Variants in PRRC2B observed in about 807,000 individuals in gnomAD.
PRRC2B encodes the protein proline rich coiled-coil 2B.
A neutral mutation model predicts 242.3 loss-of-function variants in PRRC2B; 68 were observed. That is an observed-to-expected ratio of 0.28 (90% CI 0.23 to 0.34). The LOEUF is 0.34. Among genes scored for constraint, PRRC2B ranks in the 10% least tolerant of loss-of-function variants. The pLI, the probability that PRRC2B is intolerant of heterozygous loss-of-function variation, is 1.00. For missense variants in PRRC2B, 2,835 were observed against 2,954.8 expected, an observed-to-expected ratio of 0.96 and a Z score of 0.94; for synonymous variants, 1,228 against 1,173.6, an observed-to-expected ratio of 1.05 and a Z score of -0.95.
rs765916934 is a variant in PRRC2B at position 131,467,550 on chromosome 9, G to T, written c.1721-13G>T. The T allele has an allele frequency of 6.3e-7, 1 of 1,579,328 alleles. No homozygotes were observed. Among genetic ancestry groups the T allele is most frequent in the Non-Finnish European group, 8.6e-7 (1 of 1,161,944 alleles). Reference sequence around the variant, plus strand: ...AGCTCACTGTGTCATTTCTCTGCTGGTATATTCTCTAGGCTCCCCAGAATT... The same window carrying T: ...AGCTCACTGTGTCATTTCTCTGCTGTTATATTCTCTAGGCTCCCCAGAATT... On this transcript the variant is annotated splice_polypyrimidine_tract_variant and intron_variant, in intron 12 of 31. Coordinates refer to ENST00000683519, the MANE Select transcript of PRRC2B (RefSeq NM_013318.4).
chr9:131,467,483 G>A lies in PRRC2B; in HGVS notation c.1721-80G>A, dbSNP rs143347030. 325 of 1,258,736 alleles carry A rather than the reference G, an allele frequency of 2.6e-4. 3 individuals are homozygous for A. The African/African-American group carries it at 4.6e-3, about 18-fold the overall frequency. The allele number at this position is 1,258,736 out of a possible 1,614,324, so 78.0% of individuals were successfully genotyped here. On this transcript the variant is annotated intron_variant, in intron 12 of 31. Coordinates refer to ENST00000683519, the MANE Select transcript of PRRC2B (RefSeq NM_013318.4). ...AGTGGAGCGTACGGGCCAACAGGAAGAAGTACTTGTTTGTAAACACTTGGT... is the reference window on the plus strand; with the variant it reads ...AGTGGAGCGTACGGGCCAACAGGAAAAAGTACTTGTTTGTAAACACTTGGT...
chr9:131,397,563 G>GTTTTTTTTTTTTTTTTTTTTTTTTTTTT (rs58424444), intron 1 of PRRC2B, among the ~76,000 whole-genome samples: 1 of 98,990 alleles, frequency 1.0e-5, no homozygotes, highest in African/African-American at 4.2e-5. Context: ...ACTTTTGAGG[G>GTTTTTTTTTTTTTTTTTTTTTTTTTTTT]TTTTTTTTTT....
intron 1 of PRRC2B, among the ~76,000 whole-genome samples, chr9:131,415,962 C>T (rs1299703224): frequency 1.3e-5 from 2 of 152,040 alleles, no homozygotes; most frequent in Non-Finnish European, 2.9e-5. Flanking sequence ...CCCCCCACCC[C>T]ACCCCCATGT....
Position 131,475,870 on chromosome 9 carries a change from C to A in PRRC2B, c.3741C>A (p.Ser1247=). 6.2e-7 allele frequency: 1 copy of A among 1,613,830 alleles called. No homozygotes were observed. The highest frequency in any genetic ancestry group is 8.5e-7 in the Non-Finnish European group (1 of 1,179,794). Residue 1247 remains serine (S), a synonymous_variant, in exon 16 of 32, where the codon TCC becomes TCA. Transcript: ENST00000683519. ...ATGGCCCTTCCGACACATGCGGATC[C>A]CGGCGACCTACAGACAGAGACTATG... ...QEYGPSDTCG[S]RRPTDRDYVP... is the part of the protein sequence containing the mutation.
In PRRC2B at chr9:131,455,218, G is replaced by A. The variant is rs370563372; in HGVS notation, c.1211+52G>A. ...CATGAGTGCATCCCTGCTTAGTGTT[G>A]TTGTGTACCCAGAGCATTTCCCAGT... On this transcript the variant is annotated intron_variant, in intron 10 of 31. Coordinates refer to ENST00000683519, the MANE Select transcript of PRRC2B (RefSeq NM_013318.4). 4 of 1,274,628 alleles carry A rather than the reference G, an allele frequency of 3.1e-6. No individual in the cohort carries two copies. The African/African-American group carries it at 5.9e-5, about 19-fold the overall frequency. The allele number at this position is 1,274,628 out of a possible 1,614,324, so 79.0% of individuals were successfully genotyped here.
rs749800702 is a variant in PRRC2B, at chr9:131,474,703, C to T, written c.2574C>T (p.Asp858=). Residue 858 remains aspartate (D), a synonymous_variant, in exon 16 of 32, where the codon GAC becomes GAT. Coordinates refer to ENST00000683519, the MANE Select transcript of PRRC2B (RefSeq NM_013318.4). ...TCAGGTGTTCCCCATTGGAGCCTGACTTTGTCCCAGATGAGAAAAAGCCAG... is the reference window on the plus strand; with the variant it reads ...TCAGGTGTTCCCCATTGGAGCCTGATTTTGTCCCAGATGAGAAAAAGCCAG... ...QNLRCSPLEP[D]FVPDEKKPEC... 1.3e-5 allele frequency: 21 copies of T among 1,612,710 alleles called. No individual in the cohort carries two copies. The highest frequency in any genetic ancestry group is 1.7e-5 in the Non-Finnish European group (20 of 1,179,426).
intron 1 of PRRC2B, among the ~76,000 whole-genome samples, chr9:131,414,909 T>C (rs1392998605): frequency 6.6e-6 from 1 of 151,990 alleles, no homozygotes; most frequent in Admixed American, 6.6e-5. Flanking sequence ...CTGGGACTTG[T>C]TTTTGTCCCT....
chr9:131,432,898 C>T, intron 3 of PRRC2B, 104 bp downstream of exon 3: 1 of 1,181,838 alleles, frequency 8.5e-7, no homozygotes, highest in Non-Finnish European at 1.2e-6. Flanking sequence ...TACTGCAGCG[C>T]TAGTCTTGCA....
chr9:131,488,720 C>CA (rs1162682976), intron 28 of PRRC2B, among the ~76,000 whole-genome samples: 5 of 152,148 alleles, frequency 3.3e-5, no homozygotes, highest in Non-Finnish European at 5.9e-5. Flanking sequence ...TGCTTCTAGA[C>CA]TCCTCTTCTT....
chr9:131,432,040 C>T (rs894344971), intron 2 of PRRC2B, among the ~76,000 whole-genome samples: 1 of 152,060 alleles, frequency 6.6e-6, no homozygotes, highest in East Asian at 1.9e-4. Flanking sequence ...GCGATCTACC[C>T]ACCTCGGCCT....
rs775661967 is a variant in PRRC2B at position 131,447,779 on chromosome 9, C to T, written c.1095C>T (p.Asp365=). 16 of 1,613,060 alleles carry T rather than the reference C, an allele frequency of 9.9e-6. 1 individual carries two copies. Among genetic ancestry groups the T allele is most frequent in the South Asian group, 8.8e-5 (8 of 91,048 alleles). The change falls in exon 9 of 32, where the codon GAC becomes GAT. Residue 365 remains aspartate, a synonymous_variant. Coordinates refer to ENST00000683519, the MANE Select transcript of PRRC2B (RefSeq NM_013318.4). ...AENLKGLDDL[D]ADADDGWAGL... is the part of the protein sequence containing the mutation. ...ACCTGAAGGGCCTTGACGATCTGGACGCCGATGCCGATGATGGCTGGGCAG... is the reference window on the plus strand; with the variant it reads ...ACCTGAAGGGCCTTGACGATCTGGATGCCGATGCCGATGATGGCTGGGCAG...
intron 3 of PRRC2B, among the ~76,000 whole-genome samples, chr9:131,435,574 C>T (rs1222342160): frequency 6.6e-6 from 1 of 150,674 alleles, no homozygotes; most frequent in African/African-American, 2.5e-5. Flanking sequence ...GAGATCATGC[C>T]ACTGCACTGC....
At chr9:131,378,135 C>A (rs1316038940) in intron 1 of PRRC2B, among the ~76,000 whole-genome samples, 2 of 151,790 alleles carry the variant, frequency 1.3e-5, no homozygotes, top group Non-Finnish European at 2.9e-5. Context: ...ATGGTGAAAC[C>A]CTGTCTCTAC....
chr9:131,474,103 G>C (rs966408063), intron 15 of PRRC2B, among the ~76,000 whole-genome samples: 3 of 152,092 alleles, frequency 2.0e-5, no homozygotes, highest in Non-Finnish European at 2.9e-5. Flanking sequence ...GGCCTCCCAG[G>C]CTCCAGCTTG....
chr9:131,481,607 A>T, intron 19 of PRRC2B, 119 bp from the exon 20 acceptor site: 1 of 778,994 alleles, frequency 1.3e-6, no homozygotes, highest in South Asian at 1.5e-5. Context: ...TGGCGGGTGC[A>T]GGGGAGGCAG....
At chr9:131,492,324 T>G in intron 30 of PRRC2B, 64 bp downstream of exon 30, 1 of 1,341,976 alleles carries the variant, frequency 7.5e-7, no homozygotes. Context: ...TGCGGCCCAG[T>G]GACTCAGAAG....
At chr9:131,383,429 T>C (rs1032021353) in intron 1 of PRRC2B, among the ~76,000 whole-genome samples, 2 of 152,056 alleles carry the variant, frequency 1.3e-5, no homozygotes, top group African/African-American at 4.8e-5. Flanking sequence ...AAATCCCTGT[T>C]ATCCTCCTAC....
intron 1 of PRRC2B, among the ~76,000 whole-genome samples, chr9:131,384,543 C>T (rs1206782604): frequency 1.3e-5 from 2 of 152,134 alleles, no homozygotes; most frequent in African/African-American, 4.8e-5. Context: ...CTCGGCCTCC[C>T]AAAGTGCTAG....
At chr9:131,442,013 GATTA>G (rs1838600886) in intron 5 of PRRC2B, among the ~76,000 whole-genome samples, 1 of 151,892 alleles carries the variant, frequency 6.6e-6, no homozygotes, top group Non-Finnish European at 1.5e-5. Flanking sequence ...TCCTTATTAA[GATTA>G]ATTCATGCTT....
Sources: gnomAD v4.1 joint callset for allele counts (sites outside exome capture counted in the v4.1 genomes callset) on GRCh38, gnomAD v4.1.1 for gene constraint, MANE v1.5 for transcripts, NCBI Gene and HGNC (gene_info 2026-07-23, HGNC 2026-07-21) for gene names.